The following ABR variants were observed in gnomAD, a reference collection of about 807,000 sequenced individuals.
The protein encoded by ABR is ABR activator of RhoGEF and GTPase.
Under a neutral mutation model 107.2 loss-of-function variants are expected in ABR, and 35 were observed. That is an observed-to-expected ratio of 0.33 (90% CI 0.25 to 0.43). The LOEUF (loss-of-function observed/expected upper bound fraction) is 0.43. Among genes scored for constraint, ABR ranks in the 20% least tolerant of loss-of-function variants. The probability of loss-of-function intolerance (pLI) is 1.00; values close to 1 mark genes in which losing one functional copy is unlikely to be tolerated. For missense variants in ABR, 815 were observed against 1,115.2 expected (o/e 0.73, Z 3.83); for synonymous variants, 498 against 462.0 (o/e 1.08, Z -1.00).
At chr17:1,059,536 C>CT (rs1486338179) in intron 10 of ABR, among the ~76,000 whole-genome samples, 2 of 152,240 alleles carry the variant, frequency 1.3e-5, no homozygotes, top group Non-Finnish European at 2.9e-5. Flanking sequence ...GAAGCCCCAC[C>CT]TGCTAGCCTG....
At chr17:1,013,388 G>T (rs994345504) in intron 16 of ABR, among the ~76,000 whole-genome samples, 1 of 151,786 alleles carries the variant, frequency 6.6e-6, no homozygotes, top group African/African-American at 2.4e-5. Context: ...GTTACCCGCC[G>T]TGGGGGAGGC....
At chr17:1,115,198 C>T (rs543733766) in intron 2 of ABR, 1 of 152,420 alleles carries the variant, frequency 6.6e-6, no homozygotes, top group East Asian at 1.9e-4. Flanking sequence ...CTTTCTAAAA[C>T]ACTGCTCACT....
At position 1,078,748 on chromosome 17, in the gene ABR, G is replaced by A; in HGVS notation, c.700+582C>T. 2 of 1,497,578 alleles carry A rather than the reference G, an allele frequency of 1.3e-6. No homozygotes were observed. The allele number at this position is 1,497,578 out of a possible 1,614,324, so 92.8% of individuals were successfully genotyped here. A position where few individuals can be genotyped will look rare whatever the true frequency, so the allele number is the denominator to read the frequency against. ...CTCTAACCTCCCCGGCCACATCTAA[G>A]CCCACTCCAGCCGGCCCCCAGAGGT... On this transcript the variant is annotated intron_variant, in intron 6 of 22. Transcript: ENST00000302538. The surrounding 1 kb of genome is among the most constrained non-coding windows in gnomAD (Gnocchi z 7.5).
At chr17:1,123,553 C>T (rs934941051) in intron 2 of ABR, among the ~76,000 whole-genome samples, 9 of 152,154 alleles carry the variant, frequency 5.9e-5, no homozygotes, top group South Asian at 2.1e-4. Flanking sequence ...GGTGGTCACG[C>T]GACAAGGACA....
intron 2 of ABR, among the ~76,000 whole-genome samples, chr17:1,124,040 C>A (rs2039476794): frequency 6.6e-6 from 1 of 152,210 alleles, no homozygotes; most frequent in Admixed American, 6.5e-5. Context: ...CGGCCTCGGC[C>A]TCTGTTGCCA....
chr17:1,030,043 G>A (rs756836574), intron 16 of ABR, among the ~76,000 whole-genome samples: 5 of 152,176 alleles, frequency 3.3e-5, no homozygotes, highest in Middle Eastern at 3.2e-3. Flanking sequence ...CTGCACTGAC[G>A]CCAACTGCTC....
intron 1 of ABR, among the ~76,000 whole-genome samples, chr17:1,173,126 ACC>A (rs1241609095): frequency 3.0e-4 from 16 of 52,564 alleles, no homozygotes; most frequent in South Asian, 7.8e-4. Context: ...ACCTCAGTCC[ACC>A]CCCCACACAT....
Position 1,179,523 on chromosome 17 carries a change from G to GC in ABR, c.61+143dup. The GC allele has an allele frequency of 2.4e-6, 2 of 825,422 alleles. No individual in the cohort carries two copies. The highest frequency in any genetic ancestry group is 6.5e-5 in the South Asian group (2 of 30,912). 51.1% of individuals were successfully genotyped at this position (825,422 alleles called of 1,614,324 possible). ...CGACCCCGATCCGGACCCCGATCTC[G>GC]CCCCCGCCCGCGCTCCCCGGACCAG... is the stretch of plus-strand genomic sequence containing the variant. On this transcript the variant is annotated intron_variant, in intron 1 of 22. Transcript: ENST00000302538. The surrounding 1 kb of genome is among the most constrained non-coding windows in gnomAD (Gnocchi z 4.9).
At chr17:1,180,049 C>CTTTTGGTGCGGGGGCGGGGCT (rs5818785), upstream of ABR, among the ~76,000 whole-genome samples, 12 of 113,546 alleles carry the variant, frequency 1.1e-4, no homozygotes, top group East Asian at 1.3e-3. Flanking sequence ...GGGGGCGGGG[C>CTTTTGGTGCGGGGGCGGGGCT]TTTGGTGCGG....
At chr17:1,075,243 G>A (rs2035603677) in intron 6 of ABR, among the ~76,000 whole-genome samples, 1 of 152,264 alleles carries the variant, frequency 6.6e-6, no homozygotes, top group African/African-American at 2.4e-5. Flanking sequence ...CTTCAGTCCT[G>A]CACCTGGATG....
At chr17:1,097,007 G>T (rs1322635298) in intron 3 of ABR, among the ~76,000 whole-genome samples, 1 of 152,084 alleles carries the variant, frequency 6.6e-6, no homozygotes, top group East Asian at 1.9e-4. Context: ...CTGGGGAAGG[G>T]GGGAACCTGC....
chr17:1,147,134 C>T (rs2151516129), intron 1 of ABR, among the ~76,000 whole-genome samples: 1 of 152,366 alleles, frequency 6.6e-6, no homozygotes, highest in African/African-American at 2.4e-5. Context: ...TGACAAGTAT[C>T]ATTTCACGGC....
In ABR at chr17:1,009,690, T is replaced by A. The variant is rs538789271; in HGVS notation, c.2331A>T (p.Glu777Asp). ...PNLITFLFLLEHLKRVAEKEP... is the reference protein window; with the variant it reads ...PNLITFLFLLDHLKRVAEKEP... ...CCGCTCCCCGTTACCTTTTCAAGTG[T>A]TCCAGCAGGAAGAGGAAGGTGATGA... is the stretch of plus-strand genomic sequence containing the variant. Residue 777 changes from glutamate (E) to aspartate (D), a missense_variant, in exon 21 of 23, where the codon GAA becomes GAT. Coordinates refer to ENST00000302538, the MANE Select transcript of ABR (RefSeq NM_021962.5). 6.2e-7 allele frequency: 1 copy of A among 1,613,350 alleles called. No individual in the cohort carries two copies. Among genetic ancestry groups the A allele is most frequent in the African/African-American group, 1.3e-5 (1 of 75,020 alleles).
intron 16 of ABR, among the ~76,000 whole-genome samples, chr17:1,036,397 T>C (rs2073178412): frequency 6.6e-6 from 1 of 151,674 alleles, no homozygotes; most frequent in African/African-American, 2.4e-5. Flanking sequence ...ACTCCCTCTC[T>C]CAGCACCAGA....
At chr17:1,226,838 G>A (rs1161613023) in intron 1 of ABR, among the ~76,000 whole-genome samples, 1 of 152,104 alleles carries the variant, frequency 6.6e-6, no homozygotes, top group African/African-American at 2.4e-5. Context: ...CATGTATGTG[G>A]CAGTGTACCA....
chr17:1,112,896 G>A (rs76461549), intron 2 of ABR, among the ~76,000 whole-genome samples: 2 of 147,524 alleles, frequency 1.4e-5, no homozygotes, highest in Non-Finnish European at 1.5e-5. Context: ...ATTTGTTAAC[G>A]CCTGACCCAA....
chr17:1,079,645 C>A (rs2036051464), intron 5 of ABR, among the ~76,000 whole-genome samples: 1 of 151,816 alleles, frequency 6.6e-6, no homozygotes, highest in South Asian at 2.1e-4. Flanking sequence ...AAAAGTTAGC[C>A]AGGTGTGGTG....
intron 1 of ABR, among the ~76,000 whole-genome samples, chr17:1,203,358 G>T (rs1213515455): frequency 1.4e-5 from 2 of 146,500 alleles, no homozygotes; most frequent in African/African-American, 2.5e-5. Flanking sequence ...AGCCTGCGGG[G>T]CGGTCCCCCG....
chr17:1,122,699 C>T (rs566047093), intron 2 of ABR, among the ~76,000 whole-genome samples: 2 of 152,308 alleles, frequency 1.3e-5, no homozygotes, highest in South Asian at 4.1e-4. Context: ...GAGATTAGGA[C>T]CTCTAAGCCT....
Sources: gnomAD v4.1 joint callset for allele counts (sites outside exome capture counted in the v4.1 genomes callset) on GRCh38, gnomAD v4.1.1 for gene constraint, Gnocchi (gnomAD v3.1) non-coding constraint, MANE v1.5 for transcripts, NCBI Gene and HGNC (gene_info 2026-07-23, HGNC 2026-07-21) for gene names.